The following MAP4K5 variants were observed in gnomAD, a reference collection of about 807,000 sequenced individuals.
The protein encoded by MAP4K5 is MAPK/ERK kinase kinase kinase 5.
In MAP4K5, 82 loss-of-function variants were observed where a neutral mutation model predicts 135.6. The observed-to-expected ratio is 0.60, with a 90% confidence interval of 0.51 to 0.73. The LOEUF (loss-of-function observed/expected upper bound fraction) is 0.73, where lower values mean the gene tolerates loss of function less well. Ranked by LOEUF, MAP4K5 falls within the 30% of genes least tolerant of loss-of-function variation. MAP4K5 has a pLI of 0.00. For missense variants in MAP4K5, 907 were observed against 1,010.9 expected, an observed-to-expected ratio of 0.90 and a Z score of 1.39; for synonymous variants, 347 against 335.0, an observed-to-expected ratio of 1.04 and a Z score of -0.39.
At chr14:50,523,374 G>C (rs946313173) in intron 2 of MAP4K5, among the ~76,000 whole-genome samples, 3 of 152,004 alleles carry the variant, frequency 2.0e-5, no homozygotes, top group Admixed American at 6.6e-5. Flanking sequence ...CAGTCAATAA[G>C]GCATGGTGAT....
intron 2 of MAP4K5, among the ~76,000 whole-genome samples, chr14:50,505,718 C>A (rs1451877791): frequency 3.9e-5 from 6 of 152,172 alleles, no homozygotes. Context: ...TTTTTACTGT[C>A]ATCGACCTTG....
chr14:50,542,940 G>A (rs2038584929), intron 1 of MAP4K5, among the ~76,000 whole-genome samples: 1 of 152,228 alleles, frequency 6.6e-6, no homozygotes, highest in Non-Finnish European at 1.5e-5. Flanking sequence ...TAATAGGTTG[G>A]TCAATTACTT....
At chr14:50,537,418 G>A (rs1324504338), upstream of MAP4K5, among the ~76,000 whole-genome samples, 9 of 152,216 alleles carry the variant, frequency 5.9e-5, no homozygotes, top group Non-Finnish European at 8.8e-5. Context: ...AGGGTGGTGC[G>A]AAAGGGAAAT....
rs778296819 is a variant in MAP4K5 at position 50,445,137 on chromosome 14, T to C, written c.1243A>G (p.Ile415Val). Residue 415 changes from isoleucine to valine, a missense_variant, in exon 18 of 33, where the codon ATA becomes GTA. Transcript: ENST00000682126. ...CTTTCTGAATCAGGACAATGTTTTATGGTTGATGCTTTTTCTTCATCCGGA... is the reference window on the plus strand; with the variant it reads ...CTTTCTGAATCAGGACAATGTTTTACGGTTGATGCTTTTTCTTCATCCGGA... ...NFPDEEKAST[I>V]KHCPDSESRA... 1.9e-6 allele frequency: 3 copies of C among 1,613,618 alleles called. No homozygotes were observed. Among genetic ancestry groups the C allele is most frequent in the South Asian group, 2.2e-5 (2 of 91,058 alleles).
chr14:50,437,552 T>C lies in MAP4K5; in HGVS notation c.1824-18A>G, dbSNP rs2036123651. The C allele has an allele frequency of 6.5e-7, 1 of 1,547,776 alleles. No homozygotes were observed. Among genetic ancestry groups the C allele is most frequent in the Admixed American group, 1.9e-5 (1 of 53,536 alleles). On this transcript the variant is annotated intron_variant, in intron 25 of 32. Coordinates refer to ENST00000682126, the MANE Select transcript of MAP4K5 (RefSeq NM_006575.6). ...CGAATTTTCTGAAAACGTAAGACGA[T>C]ATAAATGCACTCTACAGTAGTGGTT... is the stretch of plus-strand genomic sequence containing the variant.
Position 50,554,942 on chromosome 14 carries a change from T to C in MAP4K5, c.-180+6098A>G, listed in dbSNP as rs563156029. 4.9e-4 allele frequency among the ~76,000 whole-genome samples: 75 copies of C among 152,342 alleles called. 1 individual carries two copies. The highest frequency in any genetic ancestry group is 1.8e-3 in the African/African-American group (75 of 41,588). On this transcript the variant is annotated intron_variant, in intron 1 of 8. Transcript: ENST00000555216. ...GATGGTAGAGTGCACCTTTGTCTTT[T>C]TGGCAAAGTCTTCTGGTTATTTTCC...
At chr14:50,471,545 T>G (rs1367337727) in intron 9 of MAP4K5, among the ~76,000 whole-genome samples, 2 of 152,022 alleles carry the variant, frequency 1.3e-5, no homozygotes, top group Non-Finnish European at 2.9e-5. Flanking sequence ...GCAGTTCTTT[T>G]CAAAAACATA....
intron 10 of MAP4K5, among the ~76,000 whole-genome samples, chr14:50,466,913 G>C (rs1428637766): frequency 4.6e-5 from 7 of 152,130 alleles, no homozygotes; most frequent in South Asian, 2.1e-4. Context: ...TTACTATACT[G>C]TTACATATGT....
rs536637864 is a variant in MAP4K5, at chr14:50,514,871, T to C, written c.109-10014A>G. The stretch of plus-strand genomic sequence containing the variant: ...GAATGTATCACCGCCTATCTTCCTG[T>C]AGCTATCATATACTAACTTCTTGGT... On this transcript the variant is annotated intron_variant, in intron 2 of 32. Transcript: ENST00000682126. Among the ~76,000 whole-genome samples, 15 of 151,904 alleles carry C rather than the reference T, an allele frequency of 9.9e-5. 1 individual carries two copies. Among genetic ancestry groups the C allele is most frequent in the African/African-American group, 3.6e-4 (15 of 41,442 alleles).
At chr14:50,430,065 T>G (rs2035935480) in intron 28 of MAP4K5, among the ~76,000 whole-genome samples, 2 of 152,066 alleles carry the variant, frequency 1.3e-5, no homozygotes, top group African/African-American at 4.8e-5. Context: ...CAACCTGATT[T>G]AAGGAATATA....
At chr14:50,449,040 C>T in intron 14 of MAP4K5, 1 of 476,060 alleles carries the variant, frequency 2.1e-6, no homozygotes, top group Non-Finnish European at 3.7e-6. Context: ...AACATCTCTA[C>T]TTAATTCTTG....
chr14:50,545,494 T>A (rs1371823784), intron 1 of MAP4K5, among the ~76,000 whole-genome samples: 2 of 152,170 alleles, frequency 1.3e-5, no homozygotes, highest in Non-Finnish European at 2.9e-5. Flanking sequence ...TCAACCTTTG[T>A]GGGCTGCTGC....
rs2036137476 is a variant in MAP4K5 at position 50,438,031 on chromosome 14, C to T, written c.1709-23G>A. The stretch of plus-strand genomic sequence containing the variant: ...TTCCTATAAAAGAAAAACATGTTAC[C>T]TTTTTGAGAATCATTTACAGCAGAG... On this transcript the variant is annotated intron_variant, in intron 24 of 32. Transcript: ENST00000682126. The T allele has an allele frequency of 3.1e-6, 4 of 1,270,720 alleles. No individual in the cohort carries two copies. The Admixed American group carries it at 6.8e-5, about 22-fold the overall frequency. The allele number at this position is 1,270,720 out of a possible 1,614,324, so 78.7% of individuals were successfully genotyped here.
chr14:50,520,499 T>C (rs2038126788), intron 2 of MAP4K5, among the ~76,000 whole-genome samples: 1 of 152,094 alleles, frequency 6.6e-6, no homozygotes, highest in Non-Finnish European at 1.5e-5. Flanking sequence ...AGACTCTGTC[T>C]CAAAAAAAGA....
At chr14:50,432,320 C>T (rs2035988663) in intron 28 of MAP4K5, among the ~76,000 whole-genome samples, 1 of 152,106 alleles carries the variant, frequency 6.6e-6, no homozygotes, top group South Asian at 2.1e-4. Context: ...CTAATGAGGA[C>T]AAAGTGCTGG....
intron 13 of MAP4K5, among the ~76,000 whole-genome samples, chr14:50,461,444 A>T (rs2036709313): frequency 6.6e-6 from 1 of 152,162 alleles, no homozygotes; most frequent in African/African-American, 2.4e-5. Flanking sequence ...TAAATAAAGG[A>T]CATGAAGAGA....
At chr14:50,549,280 A>G (rs2038673018) in intron 1 of MAP4K5, among the ~76,000 whole-genome samples, 1 of 152,224 alleles carries the variant, frequency 6.6e-6, no homozygotes, top group Admixed American at 6.5e-5. Context: ...ATATAACCAT[A>G]TAGGTACATC....
intron 1 of MAP4K5, among the ~76,000 whole-genome samples, chr14:50,547,265 T>A (rs1457105329): frequency 6.6e-6 from 1 of 152,200 alleles, no homozygotes; most frequent in African/African-American, 2.4e-5. Flanking sequence ...TGAACTCTTG[T>A]GTAATTTAAA....
rs1337298474 is a variant in MAP4K5, at chr14:50,512,692, T to TC, written c.109-7836_109-7835insG. Among the ~76,000 whole-genome samples, 5 of 152,106 alleles carry TC rather than the reference T, an allele frequency of 3.3e-5. No individual in the cohort carries two copies. In the East Asian group the frequency reaches 9.6e-4, roughly 29 times the overall value. On this transcript the variant is annotated intron_variant, in intron 2 of 32. Coordinates refer to ENST00000682126, the MANE Select transcript of MAP4K5 (RefSeq NM_006575.6). Reference sequence around the variant, plus strand: ...TTTTATAATGAAAGGCAAAGAGGCTTTCAGAAAAAGAGATCTTCTAAACAG... The same window carrying TC: ...TTTTATAATGAAAGGCAAAGAGGCTTCTCAGAAAAAGAGATCTTCTAAACAG...
Sources: allele counts gnomAD v4.1 joint callset (sites outside exome capture counted in the v4.1 genomes callset), GRCh38; gene constraint gnomAD v4.1.1; transcripts MANE v1.5; gene names NCBI Gene and HGNC (gene_info 2026-07-23, HGNC 2026-07-21).